The following PTPRQ variants were observed in gnomAD, a reference collection of about 807,000 sequenced individuals.
PTPRQ encodes the protein protein tyrosine phosphatase receptor type Q, also known as phosphatidylinositol phosphatase PTPRQ.
In PTPRQ, 199 loss-of-function variants were observed where a neutral mutation model predicts 246.0. That is an observed-to-expected ratio of 0.81 (90% confidence interval 0.72 to 0.91). PTPRQ has a LOEUF of 0.91. PTPRQ is among the 40% of genes least tolerant of loss of function. The probability of loss-of-function intolerance (pLI) is 0.00; values close to 1 mark genes in which losing one functional copy is unlikely to be tolerated. For synonymous variants in PTPRQ, 869 were observed against 853.2 expected (o/e 1.02, Z -0.32); for missense variants, 2,624 against 2,528.4 (o/e 1.04, Z -0.81).
At position 80,592,290 on chromosome 12, in the gene PTPRQ, C is replaced by T. The variant is rs917776791; in HGVS notation, c.4609+3838C>T. Among the ~76,000 whole-genome samples, 4 of 152,186 alleles carry T rather than the reference C, an allele frequency of 2.6e-5. No homozygotes were observed. In the South Asian group the frequency reaches 6.2e-4, roughly 24 times the overall value. ...TTGAGGATAATTCTTTAAATTTTGA[C>T]GATGAGTTGGTTACTCGTCTTTTAG... On this transcript the variant is annotated intron_variant, in intron 26 of 44. Transcript: ENST00000644991.
chr12:80,600,044 A>G (rs1173187339), intron 26 of PTPRQ, among the ~76,000 whole-genome samples: 2 of 151,894 alleles, frequency 1.3e-5, no homozygotes, highest in African/African-American at 4.8e-5. Context: ...TGAAAATGCA[A>G]ACATTGTTTA....
intron 26 of PTPRQ, among the ~76,000 whole-genome samples, chr12:80,590,867 T>C (rs80145174): frequency 0.015 from 2,242 of 152,084 alleles, 66 homozygotes; most frequent in African/African-American, 0.051. Flanking sequence ...ACAAAATAAA[T>C]TCTTAGAACT....
chr12:80,588,369 G>A lies in PTPRQ; in HGVS notation c.4526G>A (p.Trp1509Ter). 1 of 1,543,326 alleles carries A rather than the reference G, an allele frequency of 6.5e-7. No homozygotes were observed. The change falls in exon 26 of 45, where the codon TGG (tryptophan) becomes TAG (stop). Residue 1509 changes from tryptophan (W) to a stop codon, truncating the protein, a stop_gained. Transcript: ENST00000644991. LOFTEE classifies it high-confidence loss of function. ...GTATATGGATTAAAGAAATTTAGAT[G>A]GTATAGATTCCAAGTGGCTGCCAGC... ...ETVYGLKKFRWYRFQVAASTN... is the reference protein window; with the variant it reads ...ETVYGLKKFR
At chr12:80,654,917 C>A (rs1369710072) in intron 38 of PTPRQ, among the ~76,000 whole-genome samples, 1 of 151,720 alleles carries the variant, frequency 6.6e-6, no homozygotes, top group Non-Finnish European at 1.5e-5. Flanking sequence ...GTAAGTAATT[C>A]AAATATGTCT....
chr12:80,450,087 C>T (rs1892701447), intron 3 of PTPRQ, among the ~76,000 whole-genome samples: 1 of 152,036 alleles, frequency 6.6e-6, no homozygotes, highest in Non-Finnish European at 1.5e-5. Flanking sequence ...TGAAGAGGTC[C>T]TTCACGTCCC....
intron 39 of PTPRQ, among the ~76,000 whole-genome samples, chr12:80,666,973 T>C (rs1900805544): frequency 6.6e-6 from 1 of 152,040 alleles, no homozygotes; most frequent in Non-Finnish European, 1.5e-5. Flanking sequence ...GGTTGGTCTA[T>C]GGAAGCCCAC....
chr12:80,486,205 A>T (rs868075902), intron 9 of PTPRQ, among the ~76,000 whole-genome samples: 1 of 152,174 alleles, frequency 6.6e-6, no homozygotes, highest in Non-Finnish European at 1.5e-5. Flanking sequence ...TGTACCTGGC[A>T]TATAGTAAGT....
At chr12:80,658,963 C>T in intron 39 of PTPRQ, among the ~76,000 whole-genome samples, 1 of 151,984 alleles carries the variant, frequency 6.6e-6, no homozygotes, top group Non-Finnish European at 1.5e-5. Context: ...CTCATTCCCT[C>T]CAAGCCTTTG....
chr12:80,676,200 G>A (rs1308467837), intron 43 of PTPRQ, among the ~76,000 whole-genome samples: 4 of 152,084 alleles, frequency 2.6e-5, no homozygotes, highest in Non-Finnish European at 5.9e-5. Flanking sequence ...TTCTTCTCCT[G>A]CACTCCAGAG....
At chr12:80,590,325 A>G (rs890290654) in intron 26 of PTPRQ, among the ~76,000 whole-genome samples, 6 of 152,126 alleles carry the variant, frequency 3.9e-5, no homozygotes, top group Admixed American at 2.6e-4. Flanking sequence ...CTACACTGCC[A>G]GACTGGTCTT....
intron 25 of PTPRQ, among the ~76,000 whole-genome samples, chr12:80,584,982 AAT>A (rs36023309): frequency 3.2e-4 from 47 of 148,694 alleles, no homozygotes; most frequent in South Asian, 6.4e-4. Context: ...AGTTTTGGTA[AAT>A]ATATATATAT....
chr12:80,466,942 C>T (rs1893442051), intron 6 of PTPRQ, among the ~76,000 whole-genome samples: 1 of 152,138 alleles, frequency 6.6e-6, no homozygotes, highest in Non-Finnish European at 1.5e-5. Context: ...AGGACATAGG[C>T]ATGGGCAAGG....
chr12:80,498,995 T>G (rs1168449219), intron 14 of PTPRQ, among the ~76,000 whole-genome samples: 1 of 152,094 alleles, frequency 6.6e-6, no homozygotes, highest in Non-Finnish European at 1.5e-5. Flanking sequence ...AGATTTAGTT[T>G]AAAATGAGAA....
At chr12:80,634,613 A>T (rs142470198) in intron 34 of PTPRQ, 3 of 209,342 alleles carry the variant, frequency 1.4e-5, no homozygotes, top group Non-Finnish European at 1.9e-5. Context: ...AATCAATGAC[A>T]TAGCTAGAGA....
In PTPRQ at chr12:80,544,449, G is replaced by A. The variant is rs185530995; in HGVS notation, c.3873+1568G>A. 5.9e-5 allele frequency among the ~76,000 whole-genome samples: 9 copies of A among 152,198 alleles called. No individual in the cohort carries two copies. In the East Asian group the frequency reaches 1.5e-3, roughly 26 times the overall value. ...TTGTAAACAGGTTTTCTCAATAGAA[G>A]CACATCTTTAATATTTCAGAAGTAG... On this transcript the variant is annotated intron_variant, in intron 23 of 44. Coordinates refer to ENST00000644991, the MANE Select transcript of PTPRQ (RefSeq NM_001145026.2).
At chr12:80,528,491 T>G (rs1895756003) in intron 17 of PTPRQ, among the ~76,000 whole-genome samples, 1 of 151,942 alleles carries the variant, frequency 6.6e-6, no homozygotes, top group Admixed American at 6.6e-5. Context: ...TTTTTTCTAA[T>G]CTCACTAATC....
intron 27 of PTPRQ, among the ~76,000 whole-genome samples, chr12:80,609,308 T>C (rs900132738): frequency 2.7e-5 from 4 of 150,704 alleles, no homozygotes; most frequent in African/African-American, 9.7e-5. Flanking sequence ...CAATAAAATA[T>C]GTTCTTAGCA....
intron 6 of PTPRQ, chr12:80,462,417 G>A (rs1893222711): frequency 1.1e-5 from 2 of 176,736 alleles, no homozygotes; most frequent in Non-Finnish European, 2.5e-5. Context: ...TGCCTCTGTA[G>A]GCTCCACCTC....
chr12:80,577,307 A>C (rs113828983), intron 25 of PTPRQ, among the ~76,000 whole-genome samples: 1 of 152,212 alleles, frequency 6.6e-6, no homozygotes, highest in African/African-American at 2.4e-5. Context: ...AAGGGAACCA[A>C]ACACCTCCTT....
Sources: gnomAD v4.1 joint callset for allele counts (sites outside exome capture counted in the v4.1 genomes callset) on GRCh38, gnomAD v4.1.1 for gene constraint, MANE v1.5 for transcripts, NCBI Gene and HGNC (gene_info 2026-07-23, HGNC 2026-07-21) for gene names.